Variants in NCKAP5 observed in about 807,000 individuals in gnomAD.
The protein encoded by NCKAP5 is nck-associated protein 5.
In NCKAP5, 92 loss-of-function variants were observed where a neutral mutation model predicts 167.0. The observed-to-expected ratio is 0.55, with a 90% CI of 0.47 to 0.66. NCKAP5 has a LOEUF of 0.66. Among genes scored for constraint, NCKAP5 ranks in the 30% least tolerant of loss-of-function variants. The probability of loss-of-function intolerance (pLI) is 0.00; values close to 1 mark genes in which losing one functional copy is unlikely to be tolerated. For missense variants in NCKAP5, 2,378 were observed against 2,315.0 expected, an observed-to-expected ratio of 1.03 and a Z score of -0.56; for synonymous variants, 891 against 877.4, an observed-to-expected ratio of 1.02 and a Z score of -0.27.
intron 5 of NCKAP5, among the ~76,000 whole-genome samples, chr2:133,144,950 T>A (rs537030236): frequency 2.0e-5 from 3 of 152,252 alleles, no homozygotes; most frequent in East Asian, 3.9e-4. Context: ...CAACATTAGA[T>A]AATTTTGAAT....
At chr2:132,957,906 A>G (rs1458435915) in intron 8 of NCKAP5, among the ~76,000 whole-genome samples, 9 of 151,936 alleles carry the variant, frequency 5.9e-5, no homozygotes, top group Admixed American at 5.9e-4. Context: ...CCATTAGATC[A>G]TACTCTTTTT....
intron 6 of NCKAP5, among the ~76,000 whole-genome samples, chr2:133,071,680 A>G (rs1374608963): frequency 1.3e-5 from 2 of 152,232 alleles, no homozygotes; most frequent in Non-Finnish European, 2.9e-5. Flanking sequence ...ATTCCTAAGT[A>G]GAAAATAGAA....
chr2:133,180,831 T>C (rs1274301171), intron 5 of NCKAP5, among the ~76,000 whole-genome samples: 1 of 152,092 alleles, frequency 6.6e-6, no homozygotes, highest in African/African-American at 2.4e-5. Flanking sequence ...CAAATGAGGC[T>C]ATATCGAACT....
intron 3 of NCKAP5, among the ~76,000 whole-genome samples, chr2:133,363,045 C>T (rs1043453496): frequency 1.1e-4 from 17 of 152,070 alleles, no homozygotes; most frequent in East Asian, 5.8e-4. Flanking sequence ...GGATTACAGG[C>T]GTGAGCCACC....
chr2:133,454,032 G>A lies in NCKAP5; in HGVS notation c.69+63426C>T, dbSNP rs1439226234. Among the ~76,000 whole-genome samples the A allele has an allele frequency of 5.3e-5, 8 of 152,046 alleles. No individual in the cohort carries two copies. In the East Asian group the frequency reaches 7.7e-4, roughly 15 times the overall value. On this transcript the variant is annotated intron_variant, in intron 3 of 19. Coordinates refer to ENST00000409261, the MANE Select transcript of NCKAP5 (RefSeq NM_207363.3). ...TGGTTTTCTGTTAGGTTGCTTTTATGTCAGTTTGCAAATCAGTAAAAGGGA... is the reference window on the plus strand; with the variant it reads ...TGGTTTTCTGTTAGGTTGCTTTTATATCAGTTTGCAAATCAGTAAAAGGGA...
chr2:133,473,776 G>T (rs1264935095), intron 3 of NCKAP5, among the ~76,000 whole-genome samples: 1 of 152,162 alleles, frequency 6.6e-6, no homozygotes, highest in Admixed American at 6.5e-5. Context: ...TGACTGAATA[G>T]CCTCATATTT....
chr2:133,146,856 T>A (rs1253862921), intron 5 of NCKAP5, among the ~76,000 whole-genome samples: 1 of 152,150 alleles, frequency 6.6e-6, no homozygotes, highest in Non-Finnish European at 1.5e-5. Flanking sequence ...AGCTAAGGCA[T>A]GTTCTCACCT....
At chr2:133,591,876 C>T in the NCKAP5 span, among the ~76,000 whole-genome samples, 1 of 152,102 alleles carries the variant, frequency 6.6e-6, no homozygotes, top group Admixed American at 6.6e-5. Context: ...AACTTTTCCC[C>T]TAAACTGTAC....
intron 6 of NCKAP5, among the ~76,000 whole-genome samples, chr2:132,999,753 C>T (rs2077719533): frequency 6.6e-6 from 1 of 152,158 alleles, no homozygotes; most frequent in Non-Finnish European, 1.5e-5. Flanking sequence ...CCAACCCCAA[C>T]CCAAAATCTA....
In NCKAP5 at chr2:133,551,168, C is replaced by G. The variant is rs576792227; in HGVS notation, c.-62+7882G>C. 4.6e-5 allele frequency among the ~76,000 whole-genome samples: 7 copies of G among 152,138 alleles called. No homozygotes were observed. The South Asian group carries it at 1.5e-3, about 32-fold the overall frequency. On this transcript the variant is annotated intron_variant, in intron 2 of 19. Coordinates refer to ENST00000409261, the MANE Select transcript of NCKAP5 (RefSeq NM_207363.3). The stretch of plus-strand genomic sequence containing the variant: ...CAATATCATGAAATGGCCATACTGC[C>G]CAAGGTAATTTATAGATTCAATGCC...
intron 8 of NCKAP5, chr2:132,926,045 C>T (rs1246069491): frequency 5.0e-6 from 1 of 198,544 alleles, no homozygotes; most frequent in Non-Finnish European, 1.1e-5. Context: ...CTCACTCTCC[C>T]ACCATTTTGG....
intron 10 of NCKAP5, among the ~76,000 whole-genome samples, chr2:132,864,417 C>A (rs34428307): frequency 0.6 from 90,985 of 151,834 alleles, 29,306 homozygotes; most frequent in East Asian, 0.91. Context: ...TCCTTGCACT[C>A]TTCATGTTAC....
chr2:132,780,965 A>G (rs900494225), intron 15 of NCKAP5, 87 bp downstream of exon 15: 28 of 1,356,454 alleles, frequency 2.1e-5, no homozygotes, highest in Middle Eastern at 4.5e-4. Flanking sequence ...TCTCTTACCC[A>G]TACATTTTCA....
chr2:133,071,911 C>CA (rs2080420430), intron 6 of NCKAP5, among the ~76,000 whole-genome samples: 1 of 152,164 alleles, frequency 6.6e-6, no homozygotes. Flanking sequence ...CATTCACAAG[C>CA]TCTGCCATAG....
chr2:133,125,710 A>G (rs1490968033), intron 6 of NCKAP5, among the ~76,000 whole-genome samples: 1 of 152,182 alleles, frequency 6.6e-6, no homozygotes, highest in East Asian at 1.9e-4. Flanking sequence ...ATTTGCAAGT[A>G]CCTTTCTTTA....
rs186897627 is a variant in NCKAP5 at position 133,387,625 on chromosome 2, T to C, written c.70-84515A>G. 3.0e-3 allele frequency among the ~76,000 whole-genome samples: 464 copies of C among 152,318 alleles called. 6 individuals are homozygous for C. The highest frequency in any genetic ancestry group is 6.9e-4 in the Non-Finnish European group (47 of 68,030). Reference sequence around the variant, plus strand: ...TAAGTTGGGGAAGTTCGGGATAATATCCTGAAGAGTGTTTTCCAGCTTGGT... The same window carrying C: ...TAAGTTGGGGAAGTTCGGGATAATACCCTGAAGAGTGTTTTCCAGCTTGGT... On this transcript the variant is annotated intron_variant, in intron 3 of 19. Coordinates refer to ENST00000409261, the MANE Select transcript of NCKAP5 (RefSeq NM_207363.3).
chr2:132,705,052 A>G (rs1688225547), intron 19 of NCKAP5, among the ~76,000 whole-genome samples: 1 of 152,196 alleles, frequency 6.6e-6, no homozygotes. Flanking sequence ...CTCAGGATAG[A>G]AGAAATCAGA....
intron 3 of NCKAP5, among the ~76,000 whole-genome samples, chr2:133,342,857 G>C (rs1212651796): frequency 1.3e-5 from 2 of 152,186 alleles, no homozygotes; most frequent in Non-Finnish European, 1.5e-5. Flanking sequence ...GCCCACACTT[G>C]ACAGGCTAGG....
At chr2:133,481,926 C>T (rs991886948) in intron 3 of NCKAP5, among the ~76,000 whole-genome samples, 1 of 152,200 alleles carries the variant, frequency 6.6e-6, no homozygotes, top group Non-Finnish European at 1.5e-5. Flanking sequence ...TTGAATTATA[C>T]CTTCAATCTT....
Sources: gnomAD v4.1 joint callset for allele counts (sites outside exome capture counted in the v4.1 genomes callset) on GRCh38, gnomAD v4.1.1 for gene constraint, MANE v1.5 for transcripts, NCBI Gene and HGNC (gene_info 2026-07-23, HGNC 2026-07-21) for gene names.